The following TRAPPC9 variants were observed in gnomAD, a reference collection of about 807,000 sequenced individuals.
TRAPPC9 encodes IKK2 binding protein.
In TRAPPC9, 83 loss-of-function variants were observed where a neutral mutation model predicts 124.0. That is an observed-to-expected ratio of 0.67 (90% CI 0.56 to 0.80). The LOEUF (loss-of-function observed/expected upper bound fraction) is 0.80. Among genes scored for constraint, TRAPPC9 ranks in the 30% least tolerant of loss-of-function variants. The probability of loss-of-function intolerance (pLI) is 0.00; values close to 1 mark genes in which losing one functional copy is unlikely to be tolerated. For missense variants in TRAPPC9, 1,302 were observed against 1,508.3 expected (o/e 0.86, Z 2.27); for synonymous variants, 638 against 617.5 (o/e 1.03, Z -0.49).
chr8:140,308,889 AAAAG>A (rs1008788087), intron 10 of TRAPPC9, among the ~76,000 whole-genome samples: 4 of 152,028 alleles, frequency 2.6e-5, no homozygotes, highest in East Asian at 1.9e-4. Flanking sequence ...TCAAAAAAAA[AAAAG>A]AAAGAAAGAA....
chr8:139,879,853 A>G (rs1417713064), intron 21 of TRAPPC9, among the ~76,000 whole-genome samples: 1 of 152,230 alleles, frequency 6.6e-6, no homozygotes, highest in Non-Finnish European at 1.5e-5. Context: ...GGTGAGTCAC[A>G]ACACTTCACA....
chr8:140,217,891 C>T (rs570846009), intron 17 of TRAPPC9, among the ~76,000 whole-genome samples: 34 of 152,220 alleles, frequency 2.2e-4, no homozygotes, highest in African/African-American at 7.5e-4. Flanking sequence ...GTGGTGCACG[C>T]CTGTAATCCC....
intron 6 of TRAPPC9, among the ~76,000 whole-genome samples, chr8:140,401,358 A>C (rs989760634): frequency 1.2e-4 from 19 of 152,356 alleles, no homozygotes; most frequent in African/African-American, 4.6e-4. Context: ...ATAAGTTATC[A>C]CAGACGATCA....
chr8:140,139,523 A>C (rs2061352258), intron 17 of TRAPPC9, among the ~76,000 whole-genome samples: 1 of 152,226 alleles, frequency 6.6e-6, no homozygotes, highest in African/African-American at 2.4e-5. Context: ...CCAAATGGGA[A>C]ATAACCCAAA....
At chr8:140,061,878 T>C (rs1161428160) in intron 17 of TRAPPC9, among the ~76,000 whole-genome samples, 1 of 152,144 alleles carries the variant, frequency 6.6e-6, no homozygotes, top group South Asian at 2.1e-4. Context: ...CCTCCCACCA[T>C]GGGCTTGGAG....
intron 7 of TRAPPC9, among the ~76,000 whole-genome samples, chr8:140,389,573 T>C (rs994304772): frequency 5.3e-5 from 8 of 152,152 alleles, no homozygotes; most frequent in Non-Finnish European, 1.0e-4. Context: ...CTATGACAAG[T>C]ATTGTGCTTA....
At chr8:139,972,576 C>A (rs1323435645) in intron 19 of TRAPPC9, among the ~76,000 whole-genome samples, 1 of 152,124 alleles carries the variant, frequency 6.6e-6, no homozygotes, top group Non-Finnish European at 1.5e-5. Flanking sequence ...GGTTCAGACT[C>A]CCCAGACCAC....
At chr8:140,076,260 A>G (rs1191642208) in intron 17 of TRAPPC9, among the ~76,000 whole-genome samples, 1 of 152,174 alleles carries the variant, frequency 6.6e-6, no homozygotes, top group African/African-American at 2.4e-5. Flanking sequence ...CACTGCCAAA[A>G]TGGCACCCCG....
intron 17 of TRAPPC9, among the ~76,000 whole-genome samples, chr8:140,110,014 T>C (rs2060734714): frequency 1.3e-5 from 2 of 152,068 alleles, no homozygotes; most frequent in African/African-American, 4.8e-5. Context: ...CAGACTCAGG[T>C]GACAGCATCA....
In TRAPPC9 at chr8:140,049,550, C is replaced by CG. The variant is rs1023935825; in HGVS notation, c.2557-25472_2557-25471insC. Among the ~76,000 whole-genome samples, 216 of 151,946 alleles carry CG rather than the reference C, an allele frequency of 1.4e-3. 1 individual carries two copies. Among genetic ancestry groups the CG allele is most frequent in the African/African-American group, 5.1e-3 (209 of 41,384 alleles). On this transcript the variant is annotated intron_variant, in intron 17 of 22. Transcript: ENST00000438773. The stretch of plus-strand genomic sequence containing the variant: ...GAAGATAAATCCTACAGGGCTCCCC[C>CG]CCCCGAGACCACCAAATTATTTCCC...
chr8:140,028,297 C>T (rs1840282298), intron 17 of TRAPPC9, among the ~76,000 whole-genome samples: 2 of 152,104 alleles, frequency 1.3e-5, no homozygotes, highest in South Asian at 4.2e-4. Context: ...TGACAGAAGA[C>T]TATTACAGAA....
At chr8:140,271,493 A>G (rs1261491199) in intron 15 of TRAPPC9, among the ~76,000 whole-genome samples, 2 of 152,200 alleles carry the variant, frequency 1.3e-5, no homozygotes, top group African/African-American at 2.4e-5. Flanking sequence ...AAGGGTATAC[A>G]TAAAGAAGTC....
At chr8:139,940,713 G>T (rs1442214058) in intron 19 of TRAPPC9, among the ~76,000 whole-genome samples, 1 of 152,088 alleles carries the variant, frequency 6.6e-6, no homozygotes, top group African/African-American at 2.4e-5. Context: ...CAGCCAGAGA[G>T]GAGCCACAGG....
chr8:139,956,088 G>A lies in TRAPPC9; in HGVS notation c.2810+32638C>T, dbSNP rs1587335467. 2.6e-5 allele frequency among the ~76,000 whole-genome samples: 4 copies of A among 152,308 alleles called. No homozygotes were observed. In the South Asian group the frequency reaches 8.3e-4, roughly 32 times the overall value. On this transcript the variant is annotated intron_variant, in intron 19 of 22. Transcript: ENST00000438773. ...GAACCAGCTCCGATGCTCCTCGTTC[G>A]AAACACCCACCCCTGTGTGCACAGC...
chr8:139,769,934 A>T (rs1234424656), intron 21 of TRAPPC9, among the ~76,000 whole-genome samples: 1 of 152,208 alleles, frequency 6.6e-6, no homozygotes, highest in Non-Finnish European at 1.5e-5. Flanking sequence ...AGTGAATATG[A>T]CACTTGTGAC....
chr8:140,136,787 ATGGGACAG>A (rs1303267780), intron 17 of TRAPPC9, among the ~76,000 whole-genome samples: 7 of 152,138 alleles, frequency 4.6e-5, no homozygotes, highest in African/African-American at 1.7e-4. Context: ...GCCTAGGCTG[ATGGGACAG>A]TGGGAGATCC....
rs148673580 is a variant in TRAPPC9 at position 140,195,226 on chromosome 8, C to T, written c.2556+26233G>A. 6.7e-3 allele frequency among the ~76,000 whole-genome samples: 986 copies of T among 147,792 alleles called. 15 individuals are homozygous for T. Among genetic ancestry groups the T allele is most frequent in the African/African-American group, 0.023 (928 of 39,912 alleles). On this transcript the variant is annotated intron_variant, in intron 17 of 22. Transcript: ENST00000438773. ...AACTAAAACACACTCAATGATCCACCGTACAGATAACACCTGTGACACTAA... is the reference window on the plus strand; with the variant it reads ...AACTAAAACACACTCAATGATCCACTGTACAGATAACACCTGTGACACTAA...
At chr8:140,275,916 T>C in intron 14 of TRAPPC9, 95 bp from the exon 15 acceptor site, 2 of 1,018,876 alleles carry the variant, frequency 2.0e-6, no homozygotes, top group Non-Finnish European at 3.0e-6. Context: ...ACCATACTCA[T>C]GCATTTCAGA....
intron 15 of TRAPPC9, among the ~76,000 whole-genome samples, chr8:140,268,081 G>A (rs535868714): frequency 6.6e-6 from 1 of 151,872 alleles, no homozygotes; most frequent in Non-Finnish European, 1.5e-5. Context: ...ATTTTATACA[G>A]CAGACATTTT....
Sources: allele counts gnomAD v4.1 joint callset (sites outside exome capture counted in the v4.1 genomes callset), GRCh38; gene constraint gnomAD v4.1.1; transcripts MANE v1.5; gene names NCBI Gene and HGNC (gene_info 2026-07-23, HGNC 2026-07-21).